The following CDADC1 variants were observed in gnomAD, a reference collection of about 807,000 sequenced individuals.
CDADC1 encodes the protein dCTP deaminase.
A neutral mutation model predicts 54.9 loss-of-function variants in CDADC1; 39 were observed. That is an observed-to-expected ratio of 0.71 (90% CI 0.55 to 0.93). The LOEUF (loss-of-function observed/expected upper bound fraction) is 0.93. CDADC1 is among the 40% of genes least tolerant of loss of function. The probability of loss-of-function intolerance (pLI) is 0.00; values close to 1 mark genes in which losing one functional copy is unlikely to be tolerated. For missense variants in CDADC1, 518 were observed against 618.8 expected (o/e 0.84, Z 1.73); for synonymous variants, 186 against 204.0 (o/e 0.91, Z 0.75).
At position 49,292,115 on chromosome 13, in the gene CDADC1, C is replaced by G. The variant is rs901751207; in HGVS notation, c.*358C>G. The stretch of plus-strand genomic sequence containing the variant: ...CATGCCTCTGCAGGGAATCACACAC[C>G]TTTTGAGAAATATTAATTCTTTTGA... On this transcript the variant is annotated 3_prime_UTR_variant, in exon 10 of 10. Coordinates refer to ENST00000251108, the MANE Select transcript of CDADC1 (RefSeq NM_030911.4). The G allele has an allele frequency of 5.9e-6, 6 of 1,025,510 alleles. No homozygotes were observed. In the Admixed American group the frequency reaches 2.6e-4, roughly 44 times the overall value. The allele number at this position is 1,025,510 out of a possible 1,614,324, so 63.5% of individuals were successfully genotyped here.
chr13:49,276,661 CCAA>C (rs34174060), intron 6 of CDADC1, among the ~76,000 whole-genome samples: 56,631 of 151,770 alleles, frequency 0.37, 11,890 homozygotes, highest in South Asian at 0.5. Context: ...TACCTGTACC[CCAA>C]CTGTTAACTC....
intron 6 of CDADC1, 65 bp downstream of exon 6, chr13:49,274,405 G>A (rs188554054): frequency 2.9e-5 from 38 of 1,314,406 alleles, no homozygotes; most frequent in East Asian, 2.3e-4. Flanking sequence ...TTCAGTCTTC[G>A]GTGCATTACA....
chr13:49,284,107 A>C (rs1045200879), intron 8 of CDADC1, among the ~76,000 whole-genome samples: 2 of 152,342 alleles, frequency 1.3e-5, no homozygotes, highest in Middle Eastern at 3.4e-3. Context: ...GTGTTGTCAC[A>C]AACCAGGCTA....
intron 3 of CDADC1, among the ~76,000 whole-genome samples, chr13:49,256,857 TAAGA>T (rs1952559697): frequency 6.6e-6 from 1 of 152,164 alleles, no homozygotes; most frequent in Non-Finnish European, 1.5e-5. Flanking sequence ...GTTTTCATAA[TAAGA>T]AAGGCCAAGG....
intron 7 of CDADC1, among the ~76,000 whole-genome samples, chr13:49,279,476 G>A (rs899233993): frequency 6.6e-6 from 1 of 152,186 alleles, no homozygotes; most frequent in Non-Finnish European, 1.5e-5. Flanking sequence ...GTGTTTAGGA[G>A]CATGAATATT....
At chr13:49,252,241 C>T (rs974855426) in intron 2 of CDADC1, among the ~76,000 whole-genome samples, 1 of 152,184 alleles carries the variant, frequency 6.6e-6, no homozygotes, top group African/African-American at 2.4e-5. Flanking sequence ...CTACAACCCT[C>T]TCACCATGGT....
chr13:49,288,767 T>C (rs1320933240), intron 9 of CDADC1, among the ~76,000 whole-genome samples: 1 of 151,938 alleles, frequency 6.6e-6, no homozygotes, highest in Non-Finnish European at 1.5e-5. Flanking sequence ...GACTGACAAC[T>C]CTCAAGTGCC....
intron 2 of CDADC1, among the ~76,000 whole-genome samples, chr13:49,252,243 C>A (rs919212238): frequency 6.6e-6 from 1 of 152,188 alleles, no homozygotes; most frequent in African/African-American, 2.4e-5. Flanking sequence ...ACAACCCTCT[C>A]ACCATGGTCT....
rs930926097 is a variant in CDADC1, at chr13:49,292,350, G to A, written c.*593G>A. ...TTGTAAATGTTAATTCTGTGGTCCT[G>A]TTTATCACAGACTTTGGGTAGCAAT... On this transcript the variant is annotated 3_prime_UTR_variant, in exon 10 of 10. Coordinates refer to ENST00000251108, the MANE Select transcript of CDADC1 (RefSeq NM_030911.4). 3.0e-6 allele frequency: 3 copies of A among 987,454 alleles called. No homozygotes were observed. In the African/African-American group the frequency reaches 5.2e-5, roughly 17 times the overall value. 61.2% of individuals were successfully genotyped at this position (987,454 alleles called of 1,614,324 possible).
intron 6 of CDADC1, among the ~76,000 whole-genome samples, chr13:49,275,797 T>C (rs1300921507): frequency 9.3e-6 from 1 of 107,932 alleles, no homozygotes; most frequent in Admixed American, 1.0e-4. Flanking sequence ...AGAGAGAGAG[T>C]CTCACTCTGT....
At chr13:49,280,978 C>G (rs1343359058) in intron 8 of CDADC1, among the ~76,000 whole-genome samples, 1 of 151,732 alleles carries the variant, frequency 6.6e-6, no homozygotes, top group Non-Finnish European at 1.5e-5. Context: ...GGATTACAGG[C>G]GCCGGCCACC....
At chr13:49,277,138 T>C (rs956970391) in intron 6 of CDADC1, among the ~76,000 whole-genome samples, 5 of 151,786 alleles carry the variant, frequency 3.3e-5, no homozygotes, top group African/African-American at 1.2e-4. Context: ...TATCACTCTT[T>C]AGGTTGTTTC....
chr13:49,262,016 C>G (rs1952697459), intron 4 of CDADC1, among the ~76,000 whole-genome samples: 1 of 152,166 alleles, frequency 6.6e-6, no homozygotes, highest in Admixed American at 6.5e-5. Flanking sequence ...GAACCCCATG[C>G]TATAGCTAGA....
intron 3 of CDADC1, among the ~76,000 whole-genome samples, 173 bp downstream of exon 3, chr13:49,256,086 A>AG (rs1216021927): frequency 2.0e-5 from 3 of 151,214 alleles, no homozygotes; most frequent in Admixed American, 1.3e-4. Context: ...TTTAAAAAAA[A>AG]AAGTACAGAT....
Position 49,280,713 on chromosome 13 carries a change from A to G in CDADC1, c.1410+15A>G. ...GCAAATTTACGGTAAGTAGATACAC[A>G]TTTTTTTCAGGTGTATTTTGTATTA... On this transcript the variant is annotated intron_variant, in intron 8 of 9. Coordinates refer to ENST00000251108, the MANE Select transcript of CDADC1 (RefSeq NM_030911.4). The G allele has an allele frequency of 2.6e-6, 4 of 1,518,736 alleles. No individual in the cohort carries two copies. The highest frequency in any genetic ancestry group is 3.5e-6 in the Non-Finnish European group (4 of 1,129,674). 94.1% of individuals were successfully genotyped at this position (1,518,736 alleles called of 1,614,324 possible). A position where few individuals can be genotyped will look rare whatever the true frequency, so the allele number is the denominator to read the frequency against.
intron 8 of CDADC1, among the ~76,000 whole-genome samples, chr13:49,281,611 CACTT>C (rs1566375180): frequency 6.6e-6 from 1 of 152,152 alleles, no homozygotes; most frequent in Non-Finnish European, 1.5e-5. Context: ...CGCCTGCACT[CACTT>C]GCTGCCGTGC....
At chr13:49,291,170 GTTTTTT>G (rs11428391) in intron 9 of CDADC1, among the ~76,000 whole-genome samples, 3 of 142,174 alleles carry the variant, frequency 2.1e-5, no homozygotes, top group Non-Finnish European at 3.0e-5. Context: ...TCAGTTTTTG[GTTTTTT>G]TTTTTTTTGA....
rs189689986 is a variant in CDADC1, at chr13:49,249,609, C to T, written c.177+644C>T. Among the ~76,000 whole-genome samples, 121 of 152,228 alleles carry T rather than the reference C, an allele frequency of 7.9e-4. 1 individual carries two copies. Among genetic ancestry groups the T allele is most frequent in the Non-Finnish European group, 1.4e-3 (92 of 68,024 alleles). ...ATTAGCCAGGAGTGGTGGTATCCGCCTGTAGTCCCAGTTACGCGGGAGGCT... is the reference window on the plus strand; with the variant it reads ...ATTAGCCAGGAGTGGTGGTATCCGCTTGTAGTCCCAGTTACGCGGGAGGCT... On this transcript the variant is annotated intron_variant, in intron 2 of 9. Transcript: ENST00000251108.
intron 4 of CDADC1, among the ~76,000 whole-genome samples, chr13:49,267,221 G>A (rs1264523567): frequency 1.3e-5 from 2 of 152,150 alleles, no homozygotes; most frequent in Admixed American, 6.5e-5. Context: ...ACAGTTCGAT[G>A]TGTCACAAAA....
Sources: allele counts gnomAD v4.1 joint callset (sites outside exome capture counted in the v4.1 genomes callset), GRCh38; gene constraint gnomAD v4.1.1; transcripts MANE v1.5; gene names NCBI Gene and HGNC (gene_info 2026-07-23, HGNC 2026-07-21).